The following ETV2 variants were observed in gnomAD, a reference collection of about 807,000 sequenced individuals.
ETV2 encodes ETS variant transcription factor 2.
A neutral mutation model predicts 35.7 loss-of-function variants in ETV2; 34 were observed. That is an observed-to-expected ratio of 0.95 (90% CI 0.72 to 1.27). ETV2 has a LOEUF of 1.27. ETV2 is among the 50% of genes most tolerant of loss of function. ETV2 has a pLI of 0.00. For synonymous variants in ETV2, 207 were observed against 203.9 expected, an observed-to-expected ratio of 1.02 and a Z score of -0.13; for missense variants, 512 against 470.5, an observed-to-expected ratio of 1.09 and a Z score of -0.82.
rs762720188 is a variant in ETV2 at position 35,643,307 on chromosome 19, A to G, written c.269A>G (p.Asp90Gly). The G allele has an allele frequency of 6.2e-7, 1 of 1,602,386 alleles. No individual in the cohort carries two copies. The highest frequency in any genetic ancestry group is 8.5e-7 in the Non-Finnish European group (1 of 1,176,314). Residue 90 changes from aspartate (D) to glycine (G), a missense_variant, in exon 5 of 7, where the codon GAC becomes GGC. Physicochemically the swap from Asp to Gly is moderately conservative, Grantham distance 94 (BLOSUM62 -1). Transcript: ENST00000402764. The surrounding 1 kb of genome is among the most constrained non-coding windows in gnomAD (Gnocchi z 5.0). Reference protein sequence around the residue: ...PDSQALPWSGDWTDMACTAWD... With the variant: ...PDSQALPWSGGWTDMACTAWD... ...TCTCAGGCTCTTCCGTGGTCCGGGG[A>G]CTGGACAGACATGGCGTGCACAGCC... is the stretch of plus-strand genomic sequence containing the variant.
chr19:35,643,034 C>CA lies in ETV2; in HGVS notation c.225dup (p.Trp76MetfsTer161). ...TCCGCGTTACTGCACCCAGAAGTTC[C>CA]ATGGGGGGCGGGTGAGTGTGGGGAG... is the stretch of plus-strand genomic sequence containing the variant. On this transcript the variant is annotated frameshift_variant, in exon 4 of 7. Transcript: ENST00000402764. LOFTEE classifies it high-confidence loss of function. This position sits in a 1 kb window ranked among gnomAD's most constrained non-coding sequence, Gnocchi z 5.0. 1.9e-6 allele frequency: 3 copies of CA among 1,562,818 alleles called. No individual in the cohort carries two copies. The highest frequency in any genetic ancestry group is 1.7e-6 in the Non-Finnish European group (2 of 1,151,612).
rs966281218 is a variant in ETV2 at position 35,644,390 on chromosome 19, C to T, written c.828+43C>T. 1.1e-5 allele frequency: 14 copies of T among 1,317,162 alleles called. No individual in the cohort carries two copies. The highest frequency in any genetic ancestry group is 1.4e-5 in the Non-Finnish European group (13 of 936,130). The allele number at this position is 1,317,162 out of a possible 1,614,324, so 81.6% of individuals were successfully genotyped here. On this transcript the variant is annotated intron_variant, in intron 6 of 6. Coordinates refer to ENST00000402764, the MANE Select transcript of ETV2 (RefSeq NM_014209.4). The surrounding 1 kb of genome is among the most constrained non-coding windows in gnomAD (Gnocchi z 4.7). ...CCCAGCCAAATCCGCCCCGTCTCTTCTAGTTCAATTTAGCTCCGCCCAAGG... is the reference window on the plus strand; with the variant it reads ...CCCAGCCAAATCCGCCCCGTCTCTTTTAGTTCAATTTAGCTCCGCCCAAGG...
chr19:35,642,504 C>A lies in ETV2; in HGVS notation c.44C>A (p.Pro15His), dbSNP rs765004679. Residue 15 changes from proline to histidine, a missense_variant, in exon 2 of 7, where the codon CCT (proline) becomes CAT (histidine). Transcript: ENST00000402764. The surrounding 1 kb of genome is among the most constrained non-coding windows in gnomAD (Gnocchi z 4.4). ...GATGAGGCATCCCCACAGGAAGTGC[C>A]TCCAGGGAACAAGCTGGCAGGGCTT... Reference protein sequence around the residue: ...NWDEASPQEVPPGNKLAGLEG... With the variant: ...NWDEASPQEVHPGNKLAGLEG... 4 of 1,612,448 alleles carry A rather than the reference C, an allele frequency of 2.5e-6. No individual in the cohort carries two copies. The highest frequency in any genetic ancestry group is 3.4e-6 in the Non-Finnish European group (4 of 1,179,120).
Position 35,643,230 on chromosome 19 carries a change from G to C in ETV2, c.236-44G>C. The stretch of plus-strand genomic sequence containing the variant: ...AGCTTAGACCCTAGAGTTTTTGAGG[G>C]GGCACCTGGGCTCCCCTCACTCGGG... On this transcript the variant is annotated intron_variant, in intron 4 of 6. Transcript: ENST00000402764. This position sits in a 1 kb window ranked among gnomAD's most constrained non-coding sequence, Gnocchi z 5.0. The C allele has an allele frequency of 6.4e-7, 1 of 1,554,134 alleles. No homozygotes were observed. Among genetic ancestry groups the C allele is most frequent in the Non-Finnish European group, 8.7e-7 (1 of 1,154,400 alleles).
At position 35,642,346 on chromosome 19, in the gene ETV2, C is replaced by G; in HGVS notation, c.-27-88C>G. The G allele has an allele frequency of 1.5e-6, 1 of 684,160 alleles. No homozygotes were observed. The highest frequency in any genetic ancestry group is 2.4e-6 in the Non-Finnish European group (1 of 410,264). The allele number at this position is 684,160 out of a possible 1,614,324, so 42.4% of individuals were successfully genotyped here. ...GGAGCGGAGGCCTGGACTCCTGGCT[C>G]TGAGGGAAGCTAGGGCTGGGGCCCA... On this transcript the variant is annotated intron_variant, in intron 1 of 6. Transcript: ENST00000402764. The surrounding 1 kb of genome is among the most constrained non-coding windows in gnomAD (Gnocchi z 4.4).
rs1318356649 is a variant in ETV2 at position 35,644,604 on chromosome 19, G to C, written c.829-48G>C. The C allele has an allele frequency of 2.6e-6, 4 of 1,541,934 alleles. No homozygotes were observed. Among genetic ancestry groups the C allele is most frequent in the South Asian group, 1.2e-5 (1 of 81,808 alleles). On this transcript the variant is annotated intron_variant, in intron 6 of 6. Transcript: ENST00000402764. This position sits in a 1 kb window ranked among gnomAD's most constrained non-coding sequence, Gnocchi z 4.7. ...CCCAGGCCCGGCCCTCCCCACTATCGCCAAGCCCCGCCCCTTCCCACTCCG... is the reference window on the plus strand; with the variant it reads ...CCCAGGCCCGGCCCTCCCCACTATCCCCAAGCCCCGCCCCTTCCCACTCCG...
Position 35,643,463 on chromosome 19 carries a change from G to T in ETV2, c.425G>T (p.Trp142Leu). The change falls in exon 5 of 7, where the codon TGG becomes TTG. Residue 142 changes from tryptophan to leucine, a missense_variant. By Grantham distance (61) the Trp-to-Leu change is moderately conservative. Transcript: ENST00000402764. This position sits in a 1 kb window ranked among gnomAD's most constrained non-coding sequence, Gnocchi z 5.0. ...CCCGTGGCGGGAGAGGCCACCTCGT[G>T]GTCGCGCGCCCAGGCCGCCGGGAGC... ...CVPVAGEATS[W>L]SRAQAAGSNT... The T allele has an allele frequency of 6.5e-7, 1 of 1,547,648 alleles. No homozygotes were observed. The highest frequency in any genetic ancestry group is 8.7e-7 in the Non-Finnish European group (1 of 1,145,944).
In ETV2 at chr19:35,643,708, T is replaced by A. The variant is rs1170190436; in HGVS notation, c.670T>A (p.Ser224Thr). Residue 224 changes from serine (S) to threonine (T), a missense_variant, in exon 5 of 7, where the codon TCG becomes ACG. Physicochemically the swap from Ser to Thr is moderately conservative, Grantham distance 58. Coordinates refer to ENST00000402764, the MANE Select transcript of ETV2 (RefSeq NM_014209.4). The surrounding 1 kb of genome is among the most constrained non-coding windows in gnomAD (Gnocchi z 5.0). Reference sequence around the variant, plus strand: ...CGTTTGCTCCGAACCGAGCCCGCAGTCGGACCGTGCCAGTTTGGCTCGATG... The same window carrying A: ...CGTTTGCTCCGAACCGAGCCCGCAGACGGACCGTGCCAGTTTGGCTCGATG... ...LTVCSEPSPQ[S>T]DRASLARCPK... 1 of 1,613,792 alleles carries A rather than the reference T, an allele frequency of 6.2e-7. No homozygotes were observed. The highest frequency in any genetic ancestry group is 1.1e-5 in the South Asian group (1 of 91,090).
Position 35,643,636 on chromosome 19 carries a change from G to A in ETV2, c.598G>A (p.Ala200Thr), listed in dbSNP as rs767708936. Residue 200 changes from alanine (A) to threonine (T), a missense_variant, in exon 5 of 7, where the codon GCG (alanine) becomes ACG (threonine). By Grantham distance (58) the Ala-to-Thr change is moderately conservative. Coordinates refer to ENST00000402764, the MANE Select transcript of ETV2 (RefSeq NM_014209.4). This position sits in a 1 kb window ranked among gnomAD's most constrained non-coding sequence, Gnocchi z 5.0. Reference protein sequence around the residue: ...CTTSWNPGLHAGGTTSLKRYQ... With the variant: ...CTTSWNPGLHTGGTTSLKRYQ... ...CACCTCCTGGAACCCGGGGCTGCAT[G>A]CGGGTGGCACCACCTCTTTGAAGCG... 1 of 1,613,438 alleles carries A rather than the reference G, an allele frequency of 6.2e-7. No homozygotes were observed. The highest frequency in any genetic ancestry group is 1.7e-5 in the Admixed American group (1 of 59,976).
Position 35,643,401 on chromosome 19 carries a change from C to T in ETV2, c.363C>T (p.Ala121=), listed in dbSNP as rs369147603. The stretch of plus-strand genomic sequence containing the variant: ...CTCTCGGCCCGGGCCCCATCCCCGC[C>T]GCCGGCTCCGAAGGCGCCGCGGGCC... ...PAPLGPGPIP[A]AGSEGAAGQN... Residue 121 remains alanine, a synonymous_variant, in exon 5 of 7, where the codon GCC becomes GCT. Transcript: ENST00000402764. The surrounding 1 kb of genome is among the most constrained non-coding windows in gnomAD (Gnocchi z 5.0). The T allele has an allele frequency of 9.0e-4, 1,384 of 1,546,088 alleles. 6 individuals carry two copies. The Middle Eastern group carries it at 0.014, about 16-fold the overall frequency.
In ETV2 at chr19:35,643,803, C is replaced by G; in HGVS notation, c.715+50C>G. 1.2e-6 allele frequency: 2 copies of G among 1,608,870 alleles called. No homozygotes were observed. Among genetic ancestry groups the G allele is most frequent in the Non-Finnish European group, 8.5e-7 (1 of 1,178,884 alleles). On this transcript the variant is annotated intron_variant, in intron 5 of 6. Transcript: ENST00000402764. This position sits in a 1 kb window ranked among gnomAD's most constrained non-coding sequence, Gnocchi z 5.0. Reference sequence around the variant, plus strand: ...GGAGGGCGAAGCTGGAGTCCTGAGCCGGGACCCAGGCACCTAAGGGGGCGG... The same window carrying G: ...GGAGGGCGAAGCTGGAGTCCTGAGCGGGGACCCAGGCACCTAAGGGGGCGG...
chr19:35,643,758 G>A lies in ETV2; in HGVS notation c.715+5G>A. ...GCCCCAAAACTAACCACCGAGGTGA[G>A]AGGGCCGCAAAGACTGCGGGGAGGG... is the stretch of plus-strand genomic sequence containing the variant. On this transcript the variant is annotated splice_donor_5th_base_variant and intron_variant, in intron 5 of 6. Coordinates refer to ENST00000402764, the MANE Select transcript of ETV2 (RefSeq NM_014209.4). The surrounding 1 kb of genome is among the most constrained non-coding windows in gnomAD (Gnocchi z 5.0). 1 of 1,613,424 alleles carries A rather than the reference G, an allele frequency of 6.2e-7. No homozygotes were observed. Among genetic ancestry groups the A allele is most frequent in the Non-Finnish European group, 8.5e-7 (1 of 1,179,792 alleles).
rs570745298 is a variant in ETV2 at position 35,642,910 on chromosome 19, G to A, written c.155-55G>A. On this transcript the variant is annotated intron_variant, in intron 3 of 6. Transcript: ENST00000402764. The surrounding 1 kb of genome is among the most constrained non-coding windows in gnomAD (Gnocchi z 4.4). ...CCCAGTCCCTGACAAGTAGAGACTA[G>A]AGAGTGGGTAGTTGAGGGGTCTCTT... 1.6e-5 allele frequency: 18 copies of A among 1,116,458 alleles called. No homozygotes were observed. Among genetic ancestry groups the A allele is most frequent in the African/African-American group, 1.5e-4 (10 of 64,528 alleles). The allele number at this position is 1,116,458 out of a possible 1,614,324, so 69.2% of individuals were successfully genotyped here.
rs764790161 is a variant in ETV2, at chr19:35,642,557, G to GT, written c.70+28dup. On this transcript the variant is annotated intron_variant, in intron 2 of 6. Coordinates refer to ENST00000402764, the MANE Select transcript of ETV2 (RefSeq NM_014209.4). This position sits in a 1 kb window ranked among gnomAD's most constrained non-coding sequence, Gnocchi z 4.4. ...TAGGCTGCCGAGGCTGCCACAACGT[G>GT]TGTGGGGAGGGTGTCCAGGTGGGGC... 3 of 1,613,666 alleles carry GT rather than the reference G, an allele frequency of 1.9e-6. No individual in the cohort carries two copies. The South Asian group carries it at 3.3e-5, about 18-fold the overall frequency.
rs1378029702 is a variant in ETV2, at chr19:35,644,568, T to A, written c.829-84T>A. 7.2e-7 allele frequency: 1 copy of A among 1,380,866 alleles called. No homozygotes were observed. Among genetic ancestry groups the A allele is most frequent in the East Asian group, 2.5e-5 (1 of 40,308 alleles). 85.5% of individuals were successfully genotyped at this position (1,380,866 alleles called of 1,614,324 possible). A position where few individuals can be genotyped will look rare whatever the true frequency, so the allele number is the denominator to read the frequency against. On this transcript the variant is annotated intron_variant, in intron 6 of 6. Coordinates refer to ENST00000402764, the MANE Select transcript of ETV2 (RefSeq NM_014209.4). The surrounding 1 kb of genome is among the most constrained non-coding windows in gnomAD (Gnocchi z 4.7). ...TGCGAGGCCTCGCCCAGGTCTGCAC[T>A]GCACACCGCCCCCAGGCCCGGCCCT...
chr19:35,644,380 C>T lies in ETV2; in HGVS notation c.828+33C>T. On this transcript the variant is annotated intron_variant, in intron 6 of 6. Coordinates refer to ENST00000402764, the MANE Select transcript of ETV2 (RefSeq NM_014209.4). The surrounding 1 kb of genome is among the most constrained non-coding windows in gnomAD (Gnocchi z 4.7). ...AGCTCCCCTGCCCAGCCAAATCCGC[C>T]CCGTCTCTTCTAGTTCAATTTAGCT... 7.4e-7 allele frequency: 1 copy of T among 1,342,666 alleles called. No homozygotes were observed. Among genetic ancestry groups the T allele is most frequent in the Non-Finnish European group, 1.0e-6 (1 of 958,328 alleles). 83.2% of individuals were successfully genotyped at this position (1,342,666 alleles called of 1,614,324 possible).
Position 35,643,081 on chromosome 19 carries a change from G to A in ETV2, c.235+36G>A. On this transcript the variant is annotated intron_variant, in intron 4 of 6. Transcript: ENST00000402764. This position sits in a 1 kb window ranked among gnomAD's most constrained non-coding sequence, Gnocchi z 5.0. ...GGAGAGGCGGTGGGAGGTGGGGACT[G>A]GGGTCCCGAGGCACCGGGGCTAGAG... 3.0e-6 allele frequency: 2 copies of A among 676,292 alleles called. No individual in the cohort carries two copies. Among genetic ancestry groups the A allele is most frequent in the Non-Finnish European group, 4.2e-6 (2 of 477,436 alleles). 41.9% of individuals were successfully genotyped at this position (676,292 alleles called of 1,614,324 possible).
chr19:35,642,502 G>A lies in ETV2; in HGVS notation c.42G>A (p.Val14=). 1 of 1,612,416 alleles carries A rather than the reference G, an allele frequency of 6.2e-7. No individual in the cohort carries two copies. The highest frequency in any genetic ancestry group is 8.5e-7 in the Non-Finnish European group (1 of 1,179,028). Residue 14 remains valine, a synonymous_variant, in exon 2 of 7, where the codon GTG becomes GTA. Transcript: ENST00000402764. The surrounding 1 kb of genome is among the most constrained non-coding windows in gnomAD (Gnocchi z 4.4). ...GGGATGAGGCATCCCCACAGGAAGT[G>A]CCTCCAGGGAACAAGCTGGCAGGGC... The part of the protein sequence containing the change: ...WNWDEASPQE[V]PPGNKLAGLE...
chr19:35,643,360 A>T lies in ETV2; in HGVS notation c.322A>T (p.Thr108Ser). The stretch of plus-strand genomic sequence containing the variant: ...GGACTCTTGGAGCGGCGCCTCGCAG[A>T]CCCTGGGCCCCGCCCCTCTCGGCCC... ...AWDSWSGASQ[T>S]LGPAPLGPGP... Residue 108 changes from threonine (T) to serine (S), a missense_variant, in exon 5 of 7, where the codon ACC becomes TCC. Coordinates refer to ENST00000402764, the MANE Select transcript of ETV2 (RefSeq NM_014209.4). This position sits in a 1 kb window ranked among gnomAD's most constrained non-coding sequence, Gnocchi z 5.0. 1 of 1,578,438 alleles carries T rather than the reference A, an allele frequency of 6.3e-7. No homozygotes were observed. The highest frequency in any genetic ancestry group is 2.3e-5 in the East Asian group (1 of 42,950).
Sources: gnomAD v4.1 joint callset for allele counts on GRCh38, gnomAD v4.1.1 for gene constraint, Gnocchi (gnomAD v3.1) non-coding constraint, MANE v1.5 for transcripts, NCBI Gene and HGNC (gene_info 2026-07-23, HGNC 2026-07-21) for gene names.